The following CLSTN2 variants were observed in gnomAD, a reference collection of about 807,000 sequenced individuals.
CLSTN2 encodes the protein calsyntenin 2.
In CLSTN2, 48 loss-of-function variants were observed where a neutral mutation model predicts 101.2. The observed-to-expected ratio is 0.47, with a 90% confidence interval of 0.38 to 0.60. CLSTN2 has a LOEUF of 0.60. CLSTN2 is among the 20% of genes least tolerant of loss of function. The pLI is 0.00. For missense variants in CLSTN2, 1,160 were observed against 1,238.2 expected, an observed-to-expected ratio of 0.94 and a Z score of 0.95; for synonymous variants, 481 against 463.6, an observed-to-expected ratio of 1.04 and a Z score of -0.48.
chr3:140,263,433 C>A (rs1418914040), intron 2 of CLSTN2, among the ~76,000 whole-genome samples: 1 of 152,082 alleles, frequency 6.6e-6, no homozygotes, highest in Non-Finnish European at 1.5e-5. Flanking sequence ...CACTGGCTCA[C>A]CCCCATGGGG....
intron 1 of CLSTN2, among the ~76,000 whole-genome samples, chr3:140,148,389 A>G (rs892495152): frequency 2.0e-5 from 3 of 152,056 alleles, no homozygotes; most frequent in African/African-American, 7.2e-5. Flanking sequence ...ATGTTCAACC[A>G]TTTTTTTGTT....
intron 1 of CLSTN2, among the ~76,000 whole-genome samples, chr3:140,124,304 G>A (rs1204860967): frequency 1.3e-5 from 2 of 152,158 alleles, no homozygotes; most frequent in Admixed American, 6.6e-5. Flanking sequence ...CCTAACAGCT[G>A]AATTTTATTT....
intron 1 of CLSTN2, among the ~76,000 whole-genome samples, chr3:140,043,776 T>G (rs2007810052): frequency 1.3e-5 from 2 of 152,352 alleles, no homozygotes; most frequent in Admixed American, 1.3e-4. Context: ...ATTTATTAAA[T>G]AGGGAATCCT....
chr3:140,172,037 T>C (rs1054141323), intron 1 of CLSTN2, among the ~76,000 whole-genome samples: 3 of 149,798 alleles, frequency 2.0e-5, no homozygotes, highest in Non-Finnish European at 4.4e-5. Context: ...TTTATTCATC[T>C]TTATAATGAT....
At chr3:140,021,309 A>G (rs2007311020) in intron 1 of CLSTN2, among the ~76,000 whole-genome samples, 2 of 152,142 alleles carry the variant, frequency 1.3e-5, no homozygotes, top group Admixed American at 1.3e-4. Flanking sequence ...GAAGGGCTTC[A>G]CTCCAGCACA....
At chr3:140,510,037 C>G (rs1032175465) in intron 8 of CLSTN2, among the ~76,000 whole-genome samples, 8 of 152,212 alleles carry the variant, frequency 5.3e-5, no homozygotes, top group African/African-American at 1.9e-4. Context: ...GCTCAGAACA[C>G]TTACATTAGC....
At chr3:140,513,583 C>CTTTTTTTTTT (rs55778787) in intron 8 of CLSTN2, among the ~76,000 whole-genome samples, 15 of 117,750 alleles carry the variant, frequency 1.3e-4, no homozygotes, top group African/African-American at 4.0e-4. Flanking sequence ...TTTTTTCTTT[C>CTTTTTTTTTT]TTTTTTTTTT....
chr3:140,541,396 T>C (rs1041589870), intron 9 of CLSTN2, among the ~76,000 whole-genome samples: 5 of 152,230 alleles, frequency 3.3e-5, no homozygotes, highest in African/African-American at 1.2e-4. Context: ...CAATTATTCA[T>C]TTTCTGTAGG....
chr3:140,158,491 G>A (rs1046472781), intron 1 of CLSTN2, among the ~76,000 whole-genome samples: 2 of 152,072 alleles, frequency 1.3e-5, no homozygotes, highest in African/African-American at 4.8e-5. Flanking sequence ...AGCTCATCAA[G>A]GAGATGAAAG....
intron 2 of CLSTN2, among the ~76,000 whole-genome samples, chr3:140,264,192 A>G (rs754526819): frequency 9.8e-4 from 149 of 151,612 alleles, no homozygotes; most frequent in African/African-American, 3.5e-3. Flanking sequence ...TTTCACTTTT[A>G]TACTTTTTGT....
At chr3:140,352,076 G>A (rs1340133107) in intron 2 of CLSTN2, among the ~76,000 whole-genome samples, 1 of 152,170 alleles carries the variant, frequency 6.6e-6, no homozygotes, top group Non-Finnish European at 1.5e-5. Context: ...AGAAGATTGA[G>A]CTAATCTTCC....
At chr3:140,051,926 G>A (rs1283863928) in intron 1 of CLSTN2, among the ~76,000 whole-genome samples, 1 of 152,194 alleles carries the variant, frequency 6.6e-6, no homozygotes, top group African/African-American at 2.4e-5. Flanking sequence ...GGCAGAGCCT[G>A]AGAATCTTGC....
At chr3:140,153,777 A>G (rs1699460045) in intron 1 of CLSTN2, among the ~76,000 whole-genome samples, 1 of 152,134 alleles carries the variant, frequency 6.6e-6, no homozygotes, top group Non-Finnish European at 1.5e-5. Flanking sequence ...TGGGAAGAGG[A>G]AACAGAGGGC....
intron 8 of CLSTN2, among the ~76,000 whole-genome samples, chr3:140,528,251 C>T (rs1400527856): frequency 6.6e-6 from 1 of 152,118 alleles, no homozygotes; most frequent in African/African-American, 2.4e-5. Flanking sequence ...GTTTTTATGA[C>T]TATCACCCGC....
chr3:139,954,233 C>T (rs1485256213), intron 1 of CLSTN2, among the ~76,000 whole-genome samples: 1 of 152,156 alleles, frequency 6.6e-6, no homozygotes, highest in African/African-American at 2.4e-5. Flanking sequence ...CTATTTCAGG[C>T]TATCAATTCT....
chr3:139,949,702 T>C (rs1314900543), intron 1 of CLSTN2, among the ~76,000 whole-genome samples: 3 of 152,220 alleles, frequency 2.0e-5, no homozygotes, highest in Non-Finnish European at 4.4e-5. Flanking sequence ...CTTTGCTCCA[T>C]AGCATTGGAT....
intron 1 of CLSTN2, among the ~76,000 whole-genome samples, chr3:140,011,411 C>T (rs972398563): frequency 6.6e-6 from 1 of 152,032 alleles, no homozygotes; most frequent in Non-Finnish European, 1.5e-5. Context: ...AACTGCAGAC[C>T]ACCAGCTCTT....
rs1328560405 is a variant in CLSTN2 at position 140,573,085 on chromosome 3, G to A, written c.*6832G>A. 1 of 152,280 alleles carries A rather than the reference G, an allele frequency of 6.6e-6. No homozygotes were observed. Among genetic ancestry groups the A allele is most frequent in the East Asian group, 1.9e-4 (1 of 5,190 alleles). The allele number at this position is 152,280 out of a possible 1,614,324, so 9.4% of individuals were successfully genotyped here. Reference sequence around the variant, plus strand: ...AAGGCCACCTGCCAGGTTTCTGTAAGCTGAGCAGCCTCTTCGAGGGCCATA... The same window carrying A: ...AAGGCCACCTGCCAGGTTTCTGTAAACTGAGCAGCCTCTTCGAGGGCCATA... On this transcript the variant is annotated 3_prime_UTR_variant, in exon 17 of 17. Coordinates refer to ENST00000458420, the MANE Select transcript of CLSTN2 (RefSeq NM_022131.3).
chr3:140,084,430 T>C (rs1156746353), intron 1 of CLSTN2, among the ~76,000 whole-genome samples: 1 of 152,164 alleles, frequency 6.6e-6, no homozygotes, highest in East Asian at 1.9e-4. Context: ...TCCTTTAATA[T>C]CTGTGTGGTT....
Sources: allele counts gnomAD v4.1 joint callset (sites outside exome capture counted in the v4.1 genomes callset), GRCh38; gene constraint gnomAD v4.1.1; transcripts MANE v1.5; gene names NCBI Gene and HGNC (gene_info 2026-07-23, HGNC 2026-07-21).